Variants in RTN4 observed in about 807,000 individuals in gnomAD.
RTN4 encodes the protein reticulon-4.
A neutral mutation model predicts 90.4 loss-of-function variants in RTN4; 32 were observed. The ratio of observed to expected loss-of-function variants is 0.35; its 90% CI spans 0.27 to 0.48. RTN4 has a LOEUF of 0.48. RTN4 is among the 20% of genes least tolerant of loss of function. RTN4 has a pLI of 0.99. For missense variants in RTN4, 1,706 were observed against 1,430.2 expected (o/e 1.19, Z -3.11); for synonymous variants, 629 against 552.5 (o/e 1.14, Z -1.94).
At chr2:55,042,194 G>A (rs1214829672) in intron 1 of RTN4, among the ~76,000 whole-genome samples, 2 of 152,094 alleles carry the variant, frequency 1.3e-5, no homozygotes, top group East Asian at 3.9e-4. Context: ...TGGGAATAAA[G>A]GTTGGAACCA....
intron 1 of RTN4, among the ~76,000 whole-genome samples, chr2:55,103,815 C>A (rs971444460): frequency 2.0e-5 from 3 of 151,714 alleles, no homozygotes; most frequent in Non-Finnish European, 4.4e-5. Flanking sequence ...CTGCCCCAGT[C>A]TCCCAAGTAG....
intron 2 of RTN4, among the ~76,000 whole-genome samples, chr2:55,058,714 G>GA (rs1156278601): frequency 9.2e-5 from 14 of 151,730 alleles, no homozygotes; most frequent in Admixed American, 2.6e-4. Context: ...AAGAAAAATG[G>GA]AAAAAAAATC....
At chr2:55,021,134 T>C (rs1162356005) in intron 3 of RTN4, among the ~76,000 whole-genome samples, 1 of 152,248 alleles carries the variant, frequency 6.6e-6, no homozygotes, top group East Asian at 1.9e-4. Flanking sequence ...AAATATTTCA[T>C]AATTAGAGAT....
In RTN4 at chr2:55,093,975, A is replaced by G. The variant is rs541771346; in HGVS notation, c.-213-13336T>C. 4.8e-4 allele frequency among the ~76,000 whole-genome samples: 73 copies of G among 152,212 alleles called. No individual in the cohort carries two copies. In the South Asian group the frequency reaches 0.013, roughly 26 times the overall value. On this transcript the variant is annotated intron_variant, in intron 1 of 3. Transcript: ENST00000427710. Reference sequence around the variant, plus strand: ...ATGGAAATAGCATGAAAGAGTCACAATTTTCTTACGATCACTAATATCCTA... The same window carrying G: ...ATGGAAATAGCATGAAAGAGTCACAGTTTTCTTACGATCACTAATATCCTA...
the RTN4 span, among the ~76,000 whole-genome samples, chr2:55,128,034 A>G: frequency 4.4e-4 from 66 of 151,432 alleles, no homozygotes; most frequent in Non-Finnish European, 6.9e-4. Flanking sequence ...ATGCCTGGCT[A>G]ATTTTTTTAT....
chr2:55,103,035 T>G (rs1332099017), intron 1 of RTN4, among the ~76,000 whole-genome samples: 2 of 150,852 alleles, frequency 1.3e-5, no homozygotes, highest in Non-Finnish European at 2.9e-5. Flanking sequence ...GGAGAATCAC[T>G]TGAACCCGGG....
chr2:55,112,066 C>G (rs182688289), intron 1 of RTN4, among the ~76,000 whole-genome samples: 1 of 152,116 alleles, frequency 6.6e-6, no homozygotes, highest in East Asian at 1.9e-4. Flanking sequence ...TAAATGCTAC[C>G]AAACTCCAGA....
chr2:55,083,094 G>A (rs967431114), intron 1 of RTN4, among the ~76,000 whole-genome samples: 2 of 152,246 alleles, frequency 1.3e-5, no homozygotes, highest in Non-Finnish European at 2.9e-5. Flanking sequence ...ATAGAGGAAT[G>A]AGTACATAAG....
At chr2:55,109,260 G>A (rs934150434) in intron 1 of RTN4, among the ~76,000 whole-genome samples, 4 of 152,138 alleles carry the variant, frequency 2.6e-5, no homozygotes, top group Admixed American at 2.6e-4. Flanking sequence ...GCAAGTGGAT[G>A]CCTGCATGGG....
chr2:54,991,005 A>C (rs1678973229), intron 3 of RTN4, among the ~76,000 whole-genome samples: 2 of 151,900 alleles, frequency 1.3e-5, no homozygotes, highest in South Asian at 2.1e-4. Context: ...GATGGTCTCG[A>C]TCTGCTGACC....
intron 2 of RTN4, among the ~76,000 whole-genome samples, chr2:55,077,779 A>ACACACT (rs1668629930): frequency 6.6e-6 from 1 of 151,926 alleles, no homozygotes. Flanking sequence ...ACACACACAC[A>ACACACT]CACACACACA....
Position 55,026,881 on chromosome 2 carries a change from C to T in RTN4, c.1218G>A (p.Leu406=). The change falls in exon 3 of 9, where the codon TTG becomes TTA. Residue 406 remains leucine (L), a synonymous_variant. Transcript: ENST00000337526. The part of the protein sequence containing the change: ...VKDSKEDSDM[L]AAGGKIESNL... ...TGCTCTCGATTTTACCTCCAGCAGC[C>T]AACATATCACTATCTTCCTTACTAT... 6.2e-7 allele frequency: 1 copy of T among 1,613,848 alleles called. No homozygotes were observed. The highest frequency in any genetic ancestry group is 8.5e-7 in the Non-Finnish European group (1 of 1,179,902).
chr2:55,104,478 G>A (rs2105060141), intron 1 of RTN4, among the ~76,000 whole-genome samples: 1 of 151,996 alleles, frequency 6.6e-6, no homozygotes, highest in East Asian at 1.9e-4. Context: ...AGCCTCCCGA[G>A]TATCTGGGAC....
chr2:55,027,963 C>T (rs1285039193), intron 2 of RTN4, among the ~76,000 whole-genome samples: 4 of 152,164 alleles, frequency 2.6e-5, no homozygotes, highest in Non-Finnish European at 4.4e-5. Context: ...TCCTTATGTA[C>T]TTCCAAGTAT....
At chr2:55,130,249 T>A in the RTN4 span, among the ~76,000 whole-genome samples, 31 of 152,208 alleles carry the variant, frequency 2.0e-4, no homozygotes, top group Non-Finnish European at 8.8e-5. Context: ...AGTGAATTGT[T>A]TAACAATATG....
intron 3 of RTN4, among the ~76,000 whole-genome samples, chr2:55,021,401 C>G (rs1306807891): frequency 6.7e-6 from 1 of 148,400 alleles, no homozygotes. Context: ...GCCCCCCCCG[C>G]CAAAAAAAAA....
rs199609007 is a variant in RTN4, at chr2:55,027,177, G to T, written c.922C>A (p.Pro308Thr). Reference sequence around the variant, plus strand: ...ACTATTACGGCAGATTCTGCTTTTGGAGAGACACTGAACGATGATCCCATT... The same window carrying T: ...ACTATTACGGCAGATTCTGCTTTTGTAGAGACACTGAACGATGATCCCATT... ...SEMGSSFSVS[P>T]KAESAVIVAN... Residue 308 changes from proline to threonine, a missense_variant, in exon 3 of 9, where the codon CCA (proline) becomes ACA (threonine). Coordinates refer to ENST00000337526, the MANE Select transcript of RTN4 (RefSeq NM_020532.5). 2 of 1,613,496 alleles carry T rather than the reference G, an allele frequency of 1.2e-6. No individual in the cohort carries two copies. The highest frequency in any genetic ancestry group is 2.2e-5 in the East Asian group (1 of 44,858).
At chr2:55,120,450 T>A in the RTN4 span, among the ~76,000 whole-genome samples, 1 of 152,012 alleles carries the variant, frequency 6.6e-6, no homozygotes, top group African/African-American at 2.4e-5. Flanking sequence ...AACGGGCCCT[T>A]CCTCCAAGCT....
chr2:55,026,676 T>C lies in RTN4; in HGVS notation c.1423A>G (p.Ile475Val). The C allele has an allele frequency of 6.2e-7, 1 of 1,613,786 alleles. No individual in the cohort carries two copies. Among genetic ancestry groups the C allele is most frequent in the Non-Finnish European group, 8.5e-7 (1 of 1,179,878 alleles). ...AACAAAGGAAAAATGTTTGTTGCAA[T>C]GCTCTCAGTTGCTGCTGGGTTAAAG... The part of the protein sequence containing the change: ...APFNPAATES[I>V]ATNIFPLLGD... The change falls in exon 3 of 9, where the codon ATT (isoleucine) becomes GTT (valine). Residue 475 changes from isoleucine (I) to valine (V), a missense_variant. Transcript: ENST00000337526.
Sources: allele counts gnomAD v4.1 joint callset (sites outside exome capture counted in the v4.1 genomes callset), GRCh38; gene constraint gnomAD v4.1.1; transcripts MANE v1.5; gene names NCBI Gene and HGNC (gene_info 2026-07-23, HGNC 2026-07-21).